The following CSMD3 variants were observed in gnomAD, a reference collection of about 807,000 sequenced individuals.
CSMD3 encodes the protein CUB and Sushi multiple domains 3.
Under a neutral mutation model 435.2 loss-of-function variants are expected in CSMD3, and 177 were observed. That is an observed-to-expected ratio of 0.41 (90% CI 0.36 to 0.46). The LOEUF (loss-of-function observed/expected upper bound fraction) is 0.46. CSMD3 is among the 20% of genes least tolerant of loss of function. The pLI is 0.34. For missense variants in CSMD3, 4,265 were observed against 4,504.6 expected (o/e 0.95, Z 1.52); for synonymous variants, 1,656 against 1,520.5 (o/e 1.09, Z -2.07).
At chr8:112,888,059 G>A (rs1219848618) in intron 10 of CSMD3, among the ~76,000 whole-genome samples, 1 of 151,548 alleles carries the variant, frequency 6.6e-6, no homozygotes, top group African/African-American at 2.4e-5. Context: ...ATAAATCTTG[G>A]GAGAAATTGT....
intron 23 of CSMD3, 111 bp downstream of exon 23, chr8:112,586,955 C>T (rs16892598): frequency 0.083 from 51,782 of 622,264 alleles, 2,545 homozygotes; most frequent in East Asian, 0.14. Flanking sequence ...AATCAACTTA[C>T]GGTTAATACT....
intron 4 of CSMD3, among the ~76,000 whole-genome samples, chr8:113,120,538 A>G (rs974217889): frequency 3.9e-5 from 6 of 152,222 alleles, no homozygotes; most frequent in African/African-American, 1.4e-4. Flanking sequence ...AAAAGTAAGC[A>G]GCGTTTTATG....
At chr8:112,525,813 C>T (rs1162994257) in intron 27 of CSMD3, among the ~76,000 whole-genome samples, 1 of 115,854 alleles carries the variant, frequency 8.6e-6, no homozygotes. Context: ...TATATATACA[C>T]ACACATATAA....
At chr8:113,142,788 G>T (rs182056948) in intron 4 of CSMD3, among the ~76,000 whole-genome samples, 1 of 150,682 alleles carries the variant, frequency 6.6e-6, no homozygotes, top group Admixed American at 6.6e-5. Context: ...CATGCTTGAG[G>T]TGATGGCTAC....
chr8:112,240,029 T>C (rs1049861228), intron 66 of CSMD3, among the ~76,000 whole-genome samples: 31 of 152,214 alleles, frequency 2.0e-4, no homozygotes, highest in Admixed American at 1.2e-3. Context: ...CCTTTTCTTA[T>C]AGCCCTCAAG....
chr8:112,354,148 A>C (rs4531080), intron 38 of CSMD3, among the ~76,000 whole-genome samples: 26 of 151,942 alleles, frequency 1.7e-4, no homozygotes, highest in African/African-American at 6.3e-4. Context: ...ATCCAACATC[A>C]CTTAATGATA....
intron 20 of CSMD3, among the ~76,000 whole-genome samples, chr8:112,640,659 T>C (rs1228735625): frequency 6.6e-6 from 1 of 151,838 alleles, no homozygotes; most frequent in Non-Finnish European, 1.5e-5. Context: ...GGTCTAAAAA[T>C]TAAGTCAGTT....
chr8:112,697,547 T>C (rs1011187250), intron 13 of CSMD3, among the ~76,000 whole-genome samples: 6 of 151,218 alleles, frequency 4.0e-5, no homozygotes, highest in African/African-American at 1.5e-4. Flanking sequence ...ATGAGAACAC[T>C]TGGACACAGG....
chr8:112,362,656 T>C (rs1198866287), intron 38 of CSMD3, among the ~76,000 whole-genome samples: 2 of 150,792 alleles, frequency 1.3e-5, no homozygotes, highest in East Asian at 3.9e-4. Flanking sequence ...AAAGAGACTC[T>C]TGACGGAACA....
At chr8:112,541,500 GA>G (rs1826657590) in intron 27 of CSMD3, among the ~76,000 whole-genome samples, 1 of 151,318 alleles carries the variant, frequency 6.6e-6, no homozygotes, top group African/African-American at 2.4e-5. Flanking sequence ...GATAACTTAG[GA>G]AAAAAAGTGG....
chr8:113,410,192 T>C (rs954364339), intron 1 of CSMD3, among the ~76,000 whole-genome samples: 1 of 152,190 alleles, frequency 6.6e-6, no homozygotes, highest in Non-Finnish European at 1.5e-5. Flanking sequence ...TAATTAATAT[T>C]ATGTATTTAA....
intron 5 of CSMD3, among the ~76,000 whole-genome samples, chr8:113,027,689 A>C (rs1285772613): frequency 2.0e-5 from 3 of 152,110 alleles, no homozygotes; most frequent in Non-Finnish European, 2.9e-5. Context: ...ATAATTGGCT[A>C]TAGTAAGCTT....
At chr8:112,361,592 T>TATATATATACACATACATAC (rs1827229015) in intron 38 of CSMD3, among the ~76,000 whole-genome samples, 1 of 118,338 alleles carries the variant, frequency 8.5e-6, no homozygotes, top group Non-Finnish European at 1.8e-5. Flanking sequence ...TATATATATA[T>TATATATATACACATACATAC]ATATATATAT....
intron 32 of CSMD3, among the ~76,000 whole-genome samples, chr8:112,424,688 CTTAT>C (rs541319735): frequency 1.3e-5 from 2 of 151,506 alleles, no homozygotes; most frequent in Non-Finnish European, 2.9e-5. Context: ...ATTTTACTTA[CTTAT>C]TTATTTATTT....
intron 31 of CSMD3, among the ~76,000 whole-genome samples, chr8:112,476,330 G>A (rs1348148108): frequency 6.6e-6 from 1 of 152,164 alleles, no homozygotes; most frequent in African/African-American, 2.4e-5. Context: ...ATAGGCGGGA[G>A]CCACCACGCC....
chr8:112,510,461 C>T (rs1174472039), intron 28 of CSMD3, among the ~76,000 whole-genome samples: 1 of 152,150 alleles, frequency 6.6e-6, no homozygotes, highest in African/African-American at 2.4e-5. Context: ...TCCTGAAATG[C>T]CTGTTTCCCT....
At chr8:112,878,305 CAT>C (rs2081347333) in intron 10 of CSMD3, among the ~76,000 whole-genome samples, 1 of 152,098 alleles carries the variant, frequency 6.6e-6, no homozygotes, top group African/African-American at 2.4e-5. Context: ...AGCCAACAAA[CAT>C]ATTGAAAAAA....
intron 1 of CSMD3, among the ~76,000 whole-genome samples, chr8:113,424,334 A>G (rs955304276): frequency 2.6e-5 from 4 of 151,766 alleles, no homozygotes; most frequent in African/African-American, 9.7e-5. Context: ...AAATCATAAC[A>G]AAACATAATG....
chr8:113,298,145 A>C (rs1474752971), intron 2 of CSMD3, among the ~76,000 whole-genome samples: 8 of 152,070 alleles, frequency 5.3e-5, no homozygotes, highest in African/African-American at 1.9e-4. Context: ...TTAATTTTTA[A>C]ATTGGATGTG....
Sources: gnomAD v4.1 joint callset for allele counts (sites outside exome capture counted in the v4.1 genomes callset) on GRCh38, gnomAD v4.1.1 for gene constraint, MANE v1.5 for transcripts, NCBI Gene and HGNC (gene_info 2026-07-23, HGNC 2026-07-21) for gene names.